Variants in REV3L observed in about 807,000 individuals in gnomAD.
The protein encoded by REV3L is REV3 like, DNA directed polymerase zeta catalytic subunit, also known as DNA polymerase zeta catalytic subunit.
A neutral mutation model predicts 299.4 loss-of-function variants in REV3L; 69 were observed. The ratio of observed to expected loss-of-function variants is 0.23; its 90% confidence interval spans 0.19 to 0.28. The LOEUF is 0.28. Ranked by LOEUF, REV3L falls within the 10% of genes least tolerant of loss-of-function variation. The pLI is 1.00. For synonymous variants in REV3L, 1,238 were observed against 1,271.4 expected (o/e 0.97, Z 0.56); for missense variants, 3,128 against 3,693.8 (o/e 0.85, Z 3.97).
In REV3L at chr6:111,367,715, T is replaced by C; in HGVS notation, c.6073A>G (p.Thr2025Ala). The C allele has an allele frequency of 6.2e-7, 1 of 1,614,204 alleles. No individual in the cohort carries two copies. Among genetic ancestry groups the C allele is most frequent in the Non-Finnish European group, 8.5e-7 (1 of 1,180,028 alleles). The stretch of plus-strand genomic sequence containing the variant: ...GATTTTACAACTCCAGTTGGCTTGG[T>C]TTTAGGCAGTTTCTTGGAACGTTCG... Reference protein sequence around the residue: ...EYERSKKLPKTKPTGVVKSAE... With the variant: ...EYERSKKLPKAKPTGVVKSAE... The change falls in exon 14 of 32, where the codon ACC becomes GCC. Residue 2025 changes from threonine (T) to alanine (A), a missense_variant. Physicochemically the swap from Thr to Ala is moderately conservative, Grantham distance 58. Coordinates refer to ENST00000368802, the MANE Select transcript of REV3L (RefSeq NM_001372078.1).
At chr6:111,385,246 A>C (rs2128249254) in intron 9 of REV3L, among the ~76,000 whole-genome samples, 1 of 152,264 alleles carries the variant, frequency 6.6e-6, no homozygotes, top group African/African-American at 2.4e-5. Context: ...AATAACTAAA[A>C]GTATAATTGG....
intron 20 of REV3L, among the ~76,000 whole-genome samples, chr6:111,344,395 A>G (rs1776825825): frequency 6.6e-6 from 1 of 152,198 alleles, no homozygotes; most frequent in East Asian, 1.9e-4. Context: ...TGTTCTTTCC[A>G]TACTTACTTT....
At chr6:111,440,280 G>A (rs1463497982) in intron 1 of REV3L, among the ~76,000 whole-genome samples, 2 of 152,122 alleles carry the variant, frequency 1.3e-5, no homozygotes, top group Non-Finnish European at 2.9e-5. Context: ...TGTTGGTCAG[G>A]CTGGTCTCAA....
chr6:111,452,122 ACCTT>A (rs1789623488), intron 1 of REV3L, among the ~76,000 whole-genome samples: 1 of 152,158 alleles, frequency 6.6e-6, no homozygotes, highest in African/African-American at 2.4e-5. Flanking sequence ...AGATTCTTAG[ACCTT>A]AGGGAAATGA....
rs150668935 is a variant in REV3L, at chr6:111,373,192, A to G, written c.5163T>C (p.Gly1721=). The G allele has an allele frequency of 5.4e-4, 866 of 1,614,154 alleles. 5 individuals carry two copies. The highest frequency in any genetic ancestry group is 4.2e-3 in the South Asian group (378 of 91,072). ...TCTCAAAAATTTCAGGACTTAAAGT[A>G]CCAGATCTAATCCATGAGGCTGAGT... The part of the protein sequence containing the change: ...TTDSASWIRS[G]TLSPEIFEKS... Residue 1721 remains glycine, a synonymous_variant, in exon 13 of 32, where the codon GGT becomes GGC. Coordinates refer to ENST00000368802, the MANE Select transcript of REV3L (RefSeq NM_001372078.1).
chr6:111,375,919 C>T lies in REV3L; in HGVS notation c.2436G>A (p.Gln812=). The T allele has an allele frequency of 6.2e-6, 10 of 1,613,930 alleles. No homozygotes were observed. Among genetic ancestry groups the T allele is most frequent in the Non-Finnish European group, 6.8e-6 (8 of 1,179,890 alleles). ...VVLSNCLTRP[Q]KLSPVTYKLQ... is the part of the protein sequence containing the mutation. ...ATTTATATGTGACAGGAGATAGTTT[C>T]TGTGGTCTAGTAAGACAGTTAGAAA... The change falls in exon 13 of 32, where the codon CAG becomes CAA. Residue 812 remains glutamine, a synonymous_variant. Coordinates refer to ENST00000368802, the MANE Select transcript of REV3L (RefSeq NM_001372078.1).
intron 16 of REV3L, among the ~76,000 whole-genome samples, chr6:111,360,468 A>ATTTTTTTTTTTTTTTTT (rs1362929978): frequency 7.5e-6 from 1 of 133,452 alleles, no homozygotes. Flanking sequence ...TTGTTAAATA[A>ATTTTTTTTTTTTTTTTT]TCTTTTTTTT....
Position 111,344,045 on chromosome 6 carries a change from T to TAA in REV3L, c.7420-4_7420-3dup. ...AAAGGTGTAGTTAGTTAGAGCCACC[T>TAA]AAAAAAAAAGGCAAGACACCATTAT... On this transcript the variant is annotated splice_polypyrimidine_tract_variant and splice_region_variant and intron_variant, in intron 20 of 31. Coordinates refer to ENST00000368802, the MANE Select transcript of REV3L (RefSeq NM_001372078.1). 2 of 1,551,204 alleles carry TAA rather than the reference T, an allele frequency of 1.3e-6. No individual in the cohort carries two copies. The highest frequency in any genetic ancestry group is 1.7e-6 in the Non-Finnish European group (2 of 1,143,948).
chr6:111,446,068 T>C (rs1036655094), intron 1 of REV3L, among the ~76,000 whole-genome samples: 1 of 152,224 alleles, frequency 6.6e-6, no homozygotes, highest in African/African-American at 2.4e-5. Context: ...CAAATGATTT[T>C]GTGCTGTACA....
At chr6:111,315,445 G>GT in intron 26 of REV3L, 64 bp from the exon 27 acceptor site, 1 of 1,275,260 alleles carries the variant, frequency 7.8e-7, no homozygotes, top group Non-Finnish European at 1.1e-6. Context: ...TTTATCAAGA[G>GT]TAACTTTCCT....
Position 111,299,873 on chromosome 6 carries a change from C to T in REV3L, c.*143G>A, listed in dbSNP as rs1052986267. 4.1e-5 allele frequency: 28 copies of T among 684,456 alleles called. No individual in the cohort carries two copies. Among genetic ancestry groups the T allele is most frequent in the South Asian group, 2.4e-4 (9 of 37,444 alleles). The allele number at this position is 684,456 out of a possible 1,614,324, so 42.4% of individuals were successfully genotyped here. ...AGAGATCAACAAGTACATTTTAATT[C>T]GGTTAGCATAGAAGTCTTCATAGTC... is the stretch of plus-strand genomic sequence containing the variant. On this transcript the variant is annotated 3_prime_UTR_variant, in exon 32 of 32. Coordinates refer to ENST00000368802, the MANE Select transcript of REV3L (RefSeq NM_001372078.1).
chr6:111,305,397 C>G (rs1009161258), intron 31 of REV3L, among the ~76,000 whole-genome samples: 3 of 151,812 alleles, frequency 2.0e-5, no homozygotes, highest in Non-Finnish European at 4.4e-5. Flanking sequence ...TTGAGACCAG[C>G]CTGGGCAACA....
chr6:111,299,277 C>T lies in REV3L; in HGVS notation c.*739G>A, dbSNP rs1317743720. ...AAGCAATAGAAATGTCTATACAAAA[C>T]AAGCAAATGGAATAAAATTTTTTAT... is the stretch of plus-strand genomic sequence containing the variant. On this transcript the variant is annotated 3_prime_UTR_variant, in exon 32 of 32. Transcript: ENST00000368802. 1 of 152,452 alleles carries T rather than the reference C, an allele frequency of 6.6e-6. No homozygotes were observed. The highest frequency in any genetic ancestry group is 1.5e-5 in the Non-Finnish European group (1 of 67,980). 9.4% of individuals were successfully genotyped at this position (152,452 alleles called of 1,614,324 possible).
intron 4 of REV3L, among the ~76,000 whole-genome samples, chr6:111,396,268 C>A (rs1489546217): frequency 6.6e-6 from 1 of 152,132 alleles, no homozygotes; most frequent in African/African-American, 2.4e-5. Context: ...CTCAAGTGAT[C>A]TACCCACTTC....
At chr6:111,313,168 A>G (rs1326108771) in intron 28 of REV3L, 184 bp downstream of exon 28, 3 of 495,582 alleles carry the variant, frequency 6.1e-6, no homozygotes, top group Non-Finnish European at 9.8e-6. Flanking sequence ...GTCTCAAACA[A>G]ACAAAAACAA....
chr6:111,342,558 C>G (rs997111803), intron 21 of REV3L, among the ~76,000 whole-genome samples: 2 of 151,772 alleles, frequency 1.3e-5, no homozygotes, highest in African/African-American at 4.8e-5. Flanking sequence ...GTCCCAGGTA[C>G]TCGGGAGGCT....
chr6:111,300,318 C>A (rs1045402586), intron 31 of REV3L, among the ~76,000 whole-genome samples, 162 bp from the exon 32 acceptor site: 1 of 152,160 alleles, frequency 6.6e-6, no homozygotes, highest in African/African-American at 2.4e-5. Context: ...GCCTAGACTA[C>A]CCTATGTTGA....
At chr6:111,412,071 TTTA>T (rs1784305656) in intron 2 of REV3L, 1 of 984,550 alleles carries the variant, frequency 1.0e-6, no homozygotes, top group Non-Finnish European at 1.2e-6. Flanking sequence ...TATTCAGCTG[TTTA>T]TTATTATTTT....
intron 1 of REV3L, among the ~76,000 whole-genome samples, chr6:111,479,464 A>T (rs989407679): frequency 1.3e-4 from 20 of 151,924 alleles, no homozygotes; most frequent in African/African-American, 4.8e-4. Context: ...GCAAGGGATT[A>T]AATCAGTCAG....
Sources: allele counts gnomAD v4.1 joint callset (sites outside exome capture counted in the v4.1 genomes callset), GRCh38; gene constraint gnomAD v4.1.1; transcripts MANE v1.5; gene names NCBI Gene and HGNC (gene_info 2026-07-23, HGNC 2026-07-21).